The following SEMA5A variants were observed in gnomAD, a reference collection of about 807,000 sequenced individuals.
The protein encoded by SEMA5A is semaphorin-5A.
Under a neutral mutation model 135.5 loss-of-function variants are expected in SEMA5A, and 55 were observed. The observed-to-expected ratio is 0.41, with a 90% CI of 0.33 to 0.51. The LOEUF (loss-of-function observed/expected upper bound fraction) is 0.51, where lower values mean the gene tolerates loss of function less well. Ranked by LOEUF, SEMA5A falls within the 20% of genes least tolerant of loss-of-function variation. SEMA5A has a pLI of 0.37. For synonymous variants in SEMA5A, 580 were observed against 546.5 expected (o/e 1.06, Z -0.85); for missense variants, 1,290 against 1,419.9 (o/e 0.91, Z 1.47).
At chr5:9,219,365 G>A (rs191282701) in intron 8 of SEMA5A, among the ~76,000 whole-genome samples, 47 of 152,278 alleles carry the variant, frequency 3.1e-4, no homozygotes, top group African/African-American at 1.1e-3. Flanking sequence ...ATTTGCAGGT[G>A]TCTGGCTCAG....
At chr5:9,086,720 A>C (rs1738716395) in intron 16 of SEMA5A, among the ~76,000 whole-genome samples, 1 of 152,220 alleles carries the variant, frequency 6.6e-6, no homozygotes, top group Non-Finnish European at 1.5e-5. Flanking sequence ...GTGTTTTCTC[A>C]CAAAAGCAAA....
chr5:9,380,028 AAC>A lies in SEMA5A; in HGVS notation c.-77-7_-77-6del. ...CTCCTCATGTGTGGAAAGTGCCTAA[AAC>A]ACACAAAAGAGAAGAATCAGATGAC... is the stretch of plus-strand genomic sequence containing the variant. On this transcript the variant is annotated splice_region_variant and splice_polypyrimidine_tract_variant and intron_variant, in intron 2 of 22. Coordinates refer to ENST00000382496, the MANE Select transcript of SEMA5A (RefSeq NM_003966.3). 5.4e-6 allele frequency: 8 copies of A among 1,493,152 alleles called. No individual in the cohort carries two copies. Among genetic ancestry groups the A allele is most frequent in the Non-Finnish European group, 7.2e-6 (8 of 1,115,132 alleles). 92.5% of individuals were successfully genotyped at this position (1,493,152 alleles called of 1,614,324 possible).
At chr5:9,099,620 A>G (rs1579390618) in intron 16 of SEMA5A, among the ~76,000 whole-genome samples, 1 of 152,324 alleles carries the variant, frequency 6.6e-6, no homozygotes, top group South Asian at 2.1e-4. Context: ...AGCAATTATT[A>G]AGGAGGGACA....
At chr5:9,070,276 C>T (rs1221705379) in intron 16 of SEMA5A, among the ~76,000 whole-genome samples, 2 of 152,126 alleles carry the variant, frequency 1.3e-5, no homozygotes, top group African/African-American at 4.8e-5. Context: ...GAGGCTGAGG[C>T]ATGAGAATTG....
chr5:9,473,226 T>C lies in SEMA5A; in HGVS notation c.-174-35374A>G, dbSNP rs565697718. Among the ~76,000 whole-genome samples the C allele has an allele frequency of 3.4e-5, 5 of 146,110 alleles. No homozygotes were observed. In the South Asian group the frequency reaches 8.6e-4, roughly 25 times the overall value. ...AAAATAAGAAAAAAAAAAAGAATGA[T>C]AAAAGTCAGCAGGGAAAAGAACTAC... is the stretch of plus-strand genomic sequence containing the variant. On this transcript the variant is annotated intron_variant, in intron 1 of 22. Transcript: ENST00000382496.
intron 1 of SEMA5A, among the ~76,000 whole-genome samples, chr5:9,513,558 A>G (rs1016689483): frequency 6.6e-6 from 1 of 152,132 alleles, no homozygotes; most frequent in Admixed American, 6.6e-5. Context: ...AATGGCTTCA[A>G]CAAAATTTAC....
Position 9,154,587 on chromosome 5 carries a change from C to A in SEMA5A, c.1382G>T (p.Ser461Ile), listed in dbSNP as rs757429787. Residue 461 changes from serine (S) to isoleucine (I), a missense_variant, in exon 12 of 23, where the codon AGC becomes ATC. This residue lies in a region of SEMA5A where 1,029 missense variants were observed against 1,086.6 expected (regional missense o/e 0.95). Transcript: ENST00000382496. ...FPERRREPIR[S>I]LQILHSQSVL... ...ACTCTGGCTGTGCAGGATCTGCAGGCTCCTGATGGGCTCCCTCCGCCTCTC... is the reference window on the plus strand; with the variant it reads ...ACTCTGGCTGTGCAGGATCTGCAGGATCCTGATGGGCTCCCTCCGCCTCTC... 1.9e-6 allele frequency: 3 copies of A among 1,613,846 alleles called. No homozygotes were observed. The highest frequency in any genetic ancestry group is 4.5e-5 in the East Asian group (2 of 44,852).
intron 16 of SEMA5A, among the ~76,000 whole-genome samples, chr5:9,087,105 C>T (rs1179976922): frequency 3.3e-5 from 5 of 152,154 alleles, no homozygotes; most frequent in African/African-American, 4.8e-5. Flanking sequence ...AGATACAGCA[C>T]GATGTGAGGA....
At chr5:9,050,315 C>T (rs1736495938) in intron 21 of SEMA5A, 95 bp downstream of exon 21, 9 of 1,184,268 alleles carry the variant, frequency 7.6e-6, no homozygotes, top group Admixed American at 2.5e-5. Context: ...TCATTCTTGG[C>T]CAAGAGGCAG....
intron 1 of SEMA5A, chr5:9,498,920 T>C (rs924826277): frequency 3.3e-5 from 5 of 152,222 alleles, no homozygotes; most frequent in Non-Finnish European, 7.3e-5. Context: ...GATTAACAAT[T>C]ACAGAATTCA....
intron 1 of SEMA5A, among the ~76,000 whole-genome samples, chr5:9,496,970 G>A (rs1334508917): frequency 6.6e-6 from 1 of 152,246 alleles, no homozygotes; most frequent in Non-Finnish European, 1.5e-5. Flanking sequence ...TATGCATAGA[G>A]AGAACAGGCC....
At chr5:9,054,060 C>T (rs748600215) in intron 19 of SEMA5A, 27 bp downstream of exon 19, 1 of 1,580,546 alleles carries the variant, frequency 6.3e-7, no homozygotes, top group Middle Eastern at 1.7e-4. Flanking sequence ...TGTCTGAAAG[C>T]TGTGCAGTAG....
At position 9,154,093 on chromosome 5, in the gene SEMA5A, A is replaced by ATATGTGTGTG. The variant is rs372321939; in HGVS notation, c.1481+394_1481+395insCACACACATA. ...TATATATATATATATATATATATAT[A>ATATGTGTGTG]TGTGTGTGTGTGTATGTGTGTGTAT... On this transcript the variant is annotated intron_variant, in intron 12 of 22. Transcript: ENST00000382496. 7.6e-4 allele frequency among the ~76,000 whole-genome samples: 56 copies of ATATGTGTGTG among 73,444 alleles called. 2 individuals are homozygous for ATATGTGTGTG. Among genetic ancestry groups the ATATGTGTGTG allele is most frequent in the African/African-American group, 3.1e-3 (55 of 17,756 alleles). The allele number at this position is 73,444 out of a possible 152,430, so 48.2% of individuals were successfully genotyped here. A position where few individuals can be genotyped will look rare whatever the true frequency, so the allele number is the denominator to read the frequency against.
chr5:9,073,023 C>A (rs767594465), intron 16 of SEMA5A, among the ~76,000 whole-genome samples: 1 of 152,158 alleles, frequency 6.6e-6, no homozygotes, highest in Non-Finnish European at 1.5e-5. Context: ...CAACTTGCAA[C>A]ATGCCAGCTG....
chr5:9,298,507 T>G (rs573025495), intron 5 of SEMA5A, among the ~76,000 whole-genome samples: 93 of 152,364 alleles, frequency 6.1e-4, no homozygotes, highest in African/African-American at 2.2e-3. Context: ...CTAATACACA[T>G]GCGTAGAACA....
At chr5:9,190,597 A>G (rs752182846) in intron 10 of SEMA5A, 126 bp from the exon 11 acceptor site, 4 of 779,412 alleles carry the variant, frequency 5.1e-6, no homozygotes, top group Non-Finnish European at 8.5e-6. Context: ...GAAGTATGCA[A>G]ACATGTCTGC....
chr5:9,045,583 C>T (rs1579294460), intron 21 of SEMA5A, among the ~76,000 whole-genome samples: 1 of 152,180 alleles, frequency 6.6e-6, no homozygotes, highest in Admixed American at 6.5e-5. Flanking sequence ...ATACTCAGCA[C>T]ACATGTGTGC....
At chr5:9,410,108 T>G (rs942232018) in intron 2 of SEMA5A, among the ~76,000 whole-genome samples, 1 of 152,202 alleles carries the variant, frequency 6.6e-6, no homozygotes, top group Admixed American at 6.5e-5. Context: ...AAAGTTTTAT[T>G]TCTCAGTACC....
chr5:9,047,552 G>T (rs928058536), intron 21 of SEMA5A, among the ~76,000 whole-genome samples: 4 of 152,076 alleles, frequency 2.6e-5, no homozygotes, highest in Non-Finnish European at 5.9e-5. Flanking sequence ...ATTTTCTGCT[G>T]TTGATTTTGA....
Sources: allele counts gnomAD v4.1 joint callset (sites outside exome capture counted in the v4.1 genomes callset), GRCh38; gene constraint gnomAD v4.1.1; regional missense constraint gnomAD v4.1.1; transcripts MANE v1.5; gene names NCBI Gene and HGNC (gene_info 2026-07-23, HGNC 2026-07-21).